Variants in PDZRN3 observed in about 807,000 individuals in gnomAD.
The protein encoded by PDZRN3 is E3 ubiquitin-protein ligase PDZRN3.
A neutral mutation model predicts 85.7 loss-of-function variants in PDZRN3; 38 were observed. The observed-to-expected ratio is 0.44, with a 90% CI of 0.34 to 0.58. PDZRN3 has a LOEUF of 0.58. Among genes scored for constraint, PDZRN3 ranks in the 20% least tolerant of loss-of-function variants. PDZRN3 has a pLI of 0.01. For synonymous variants in PDZRN3, 759 were observed against 638.0 expected, an observed-to-expected ratio of 1.19 and a Z score of -2.86; for missense variants, 1,629 against 1,506.4, an observed-to-expected ratio of 1.08 and a Z score of -1.35.
At chr3:73,531,992 T>C (rs1704667928) in intron 3 of PDZRN3, among the ~76,000 whole-genome samples, 1 of 152,332 alleles carries the variant, frequency 6.6e-6, no homozygotes, top group South Asian at 2.1e-4. Flanking sequence ...TTTTGAATCA[T>C]TGGCAACAAA....
chr3:73,494,502 C>T (rs1703831231), intron 3 of PDZRN3, among the ~76,000 whole-genome samples: 1 of 152,074 alleles, frequency 6.6e-6, no homozygotes. Context: ...TTGCTGTCAT[C>T]CAAAACACCA....
intron 3 of PDZRN3, chr3:73,569,275 G>C: frequency 7.9e-7 from 1 of 1,268,800 alleles, no homozygotes; most frequent in Non-Finnish European, 1.0e-6. Context: ...AATGTCGTAT[G>C]AAATGAAGAC....
At chr3:73,569,169 T>C (rs565622829) in intron 3 of PDZRN3, 11 of 1,289,452 alleles carry the variant, frequency 8.5e-6, no homozygotes, top group Middle Eastern at 4.3e-4. Flanking sequence ...TCATGTTTGA[T>C]TCTTCTTTAC....
intron 3 of PDZRN3, among the ~76,000 whole-genome samples, chr3:73,453,186 T>C (rs1030049780): frequency 6.6e-6 from 1 of 151,948 alleles, no homozygotes; most frequent in Non-Finnish European, 1.5e-5. Flanking sequence ...GGCAGGCAGA[T>C]CATGAGGTCA....
chr3:73,503,074 AAC>A (rs1029624143), intron 3 of PDZRN3, among the ~76,000 whole-genome samples: 3 of 152,216 alleles, frequency 2.0e-5, no homozygotes, highest in African/African-American at 7.2e-5. Flanking sequence ...TTTTGAATAA[AAC>A]AATTTTATCT....
At chr3:73,391,418 C>T (rs569402533) in intron 5 of PDZRN3, among the ~76,000 whole-genome samples, 4 of 152,204 alleles carry the variant, frequency 2.6e-5, no homozygotes, top group Non-Finnish European at 4.4e-5. Context: ...TTTTCAAAAA[C>T]ACTTTTTCAA....
At chr3:73,388,765 G>A (rs1358706055) in intron 7 of PDZRN3, among the ~76,000 whole-genome samples, 1 of 151,848 alleles carries the variant, frequency 6.6e-6, no homozygotes, top group Admixed American at 6.6e-5. Flanking sequence ...AGCAAAAGGG[G>A]TGACTCTATT....
At chr3:73,525,749 C>G (rs1704507770) in intron 3 of PDZRN3, among the ~76,000 whole-genome samples, 1 of 152,232 alleles carries the variant, frequency 6.6e-6, no homozygotes, top group Non-Finnish European at 1.5e-5. Context: ...CTGCTCCCTA[C>G]TTGTTGCCTC....
At chr3:73,545,839 G>A (rs1299867458) in intron 3 of PDZRN3, among the ~76,000 whole-genome samples, 10 of 152,168 alleles carry the variant, frequency 6.6e-5, no homozygotes. Context: ...CACCACATTA[G>A]AAGGGTTGTT....
intron 3 of PDZRN3, among the ~76,000 whole-genome samples, chr3:73,585,427 G>A (rs139786366): frequency 7.8e-4 from 119 of 152,284 alleles, no homozygotes; most frequent in African/African-American, 2.6e-3. Flanking sequence ...AAATAAATCT[G>A]TTTACTACAA....
chr3:73,582,206 C>T (rs569800999), intron 3 of PDZRN3, among the ~76,000 whole-genome samples: 1 of 152,248 alleles, frequency 6.6e-6, no homozygotes, highest in South Asian at 2.1e-4. Context: ...AAACTGCTTA[C>T]CTCAGGGTAT....
chr3:73,481,274 C>T (rs1185588463), intron 3 of PDZRN3, among the ~76,000 whole-genome samples: 1 of 152,208 alleles, frequency 6.6e-6, no homozygotes, highest in East Asian at 1.9e-4. Context: ...AAACTTTTCC[C>T]TTGACTTAGA....
chr3:73,516,578 G>A (rs1704259564), intron 3 of PDZRN3, among the ~76,000 whole-genome samples: 1 of 152,140 alleles, frequency 6.6e-6, no homozygotes. Context: ...CCTCTTGCTA[G>A]TTTGTTATGT....
At chr3:73,523,014 G>GTT (rs1358537763) in intron 3 of PDZRN3, among the ~76,000 whole-genome samples, 1 of 146,414 alleles carries the variant, frequency 6.8e-6, no homozygotes, top group Non-Finnish European at 1.5e-5. Context: ...AGTTTTTTTT[G>GTT]TTTGTTTGTT....
At chr3:73,487,173 T>C (rs1703679106) in intron 3 of PDZRN3, among the ~76,000 whole-genome samples, 1 of 152,162 alleles carries the variant, frequency 6.6e-6, no homozygotes, top group African/African-American at 2.4e-5. Context: ...ATAACTTCAA[T>C]ATCTCTAAAT....
In PDZRN3 at chr3:73,384,401, T is replaced by A. The variant is rs753850622; in HGVS notation, c.2165A>T (p.His722Leu). The change falls in exon 10 of 10, where the codon CAC becomes CTC. Residue 722 changes from histidine to leucine, a missense_variant. By Grantham distance (99) the His-to-Leu change is moderately conservative. Coordinates refer to ENST00000263666, the MANE Select transcript of PDZRN3 (RefSeq NM_015009.3). Reference sequence around the variant, plus strand: ...GTTGTAGTTGCGGAAGCCGCTGTTGTGCAGCATCCAGGACTCGCGGTACTG... The same window carrying A: ...GTTGTAGTTGCGGAAGCCGCTGTTGAGCAGCATCCAGGACTCGCGGTACTG... ...KEQYRESWML[H>L]NSGFRNYNTS... The A allele has an allele frequency of 1.5e-5, 24 of 1,609,736 alleles. No homozygotes were observed. In the Middle Eastern group the frequency reaches 4.9e-4, roughly 33 times the overall value.
At chr3:73,474,636 G>T in intron 3 of PDZRN3, 6 of 1,215,226 alleles carry the variant, frequency 4.9e-6, no homozygotes, top group Non-Finnish European at 6.3e-6. Flanking sequence ...AAATGCTATG[G>T]TTGTGGCAAG....
rs144900778 is a variant in PDZRN3 at position 73,589,809 on chromosome 3, A to G, written c.918+12545T>C. ...TGTCTTGGGTCTTCAAGTGACTTAC[A>G]CAAAATGAAGGCAAAATCTCATGAG... On this transcript the variant is annotated intron_variant, in intron 3 of 9. Coordinates refer to ENST00000263666, the MANE Select transcript of PDZRN3 (RefSeq NM_015009.3). 7.3e-3 allele frequency among the ~76,000 whole-genome samples: 1,119 copies of G among 152,330 alleles called. 5 individuals carry two copies. Among genetic ancestry groups the G allele is most frequent in the Non-Finnish European group, 0.012 (814 of 68,026 alleles).
At chr3:73,466,512 A>G (rs1468506647) in intron 3 of PDZRN3, among the ~76,000 whole-genome samples, 1 of 152,210 alleles carries the variant, frequency 6.6e-6, no homozygotes, top group Non-Finnish European at 1.5e-5. Flanking sequence ...GATTATGGCT[A>G]GCTCATTTGG....
Sources: allele counts gnomAD v4.1 joint callset (sites outside exome capture counted in the v4.1 genomes callset), GRCh38; gene constraint gnomAD v4.1.1; transcripts MANE v1.5; gene names NCBI Gene and HGNC (gene_info 2026-07-23, HGNC 2026-07-21).